Variants in PSD2 observed in about 807,000 individuals in gnomAD.
PSD2 encodes PH and SEC7 domain-containing protein 2.
In PSD2, 38 loss-of-function variants were observed where a neutral mutation model predicts 69.8. The observed-to-expected ratio is 0.54, with a 90% confidence interval of 0.42 to 0.71. PSD2 has a LOEUF of 0.71. PSD2 is among the 30% of genes least tolerant of loss of function. The pLI is 0.00. For synonymous variants in PSD2, 412 were observed against 423.0 expected (o/e 0.97, Z 0.32); for missense variants, 943 against 1,014.5 (o/e 0.93, Z 0.96).
the PSD2 span, among the ~76,000 whole-genome samples, chr5:139,760,677 C>A: frequency 6.6e-6 from 1 of 152,152 alleles, no homozygotes; most frequent in African/African-American, 2.4e-5. Context: ...GCTCCTGGCA[C>A]CCTATGGAGG....
At chr5:139,776,022 C>A in the PSD2 span, among the ~76,000 whole-genome samples, 1 of 152,218 alleles carries the variant, frequency 6.6e-6, no homozygotes, top group African/African-American at 2.4e-5. Context: ...GCCTCATCCC[C>A]CTCCAAGACG....
intron 2 of PSD2, among the ~76,000 whole-genome samples, chr5:139,810,814 G>A (rs967797872): frequency 6.6e-6 from 1 of 152,134 alleles, no homozygotes. Flanking sequence ...CAGGGGACTG[G>A]GGCTTCTTAG....
At chr5:139,779,245 C>T in the PSD2 span, among the ~76,000 whole-genome samples, 26 of 152,316 alleles carry the variant, frequency 1.7e-4, 1 homozygote, top group South Asian at 5.4e-3. Flanking sequence ...GCAGTATACA[C>T]TGCACCCAAT....
In PSD2 at chr5:139,837,485, C is replaced by A; in HGVS notation, c.1666-140C>A. 1.1e-6 allele frequency: 1 copy of A among 935,528 alleles called. No homozygotes were observed. The highest frequency in any genetic ancestry group is 1.6e-6 in the Non-Finnish European group (1 of 624,632). The allele number at this position is 935,528 out of a possible 1,614,324, so 58.0% of individuals were successfully genotyped here. On this transcript the variant is annotated intron_variant, in intron 11 of 14. Coordinates refer to ENST00000274710, the MANE Select transcript of PSD2 (RefSeq NM_032289.4). This position sits in a 1 kb window ranked among gnomAD's most constrained non-coding sequence, Gnocchi z 5.0. ...ACAAACTGGGGTAAGGGGAGGAGTA[C>A]CTGGATTCTTGTTGGGGTGGGTGAG...
chr5:139,832,136 T>G (rs1760611380), intron 7 of PSD2, among the ~76,000 whole-genome samples: 1 of 152,226 alleles, frequency 6.6e-6, no homozygotes, highest in Non-Finnish European at 1.5e-5. Context: ...TAGTCTGATA[T>G]TGCTCAGATT....
At chr5:139,753,769 G>C in the PSD2 span, among the ~76,000 whole-genome samples, 4 of 152,066 alleles carry the variant, frequency 2.6e-5, no homozygotes, top group African/African-American at 9.7e-5. Flanking sequence ...CTGCTTTTTG[G>C]AGCAGGAAAG....
At chr5:139,820,935 G>T (rs1428853517) in intron 5 of PSD2, among the ~76,000 whole-genome samples, 4 of 146,806 alleles carry the variant, frequency 2.7e-5, no homozygotes, top group South Asian at 2.2e-4. Context: ...GCCAGAGGTT[G>T]TTTTTTTTTT....
Position 139,839,830 on chromosome 5 carries a change from G to A in PSD2, c.1969-197G>A, listed in dbSNP as rs566694760. ...GCATCGAGGAAAGCTGATGCTGATG[G>A]GACCTGGGGGAGGAGGAAGGGAGGT... On this transcript the variant is annotated intron_variant, in intron 13 of 14. Coordinates refer to ENST00000274710, the MANE Select transcript of PSD2 (RefSeq NM_032289.4). This position sits in a 1 kb window ranked among gnomAD's most constrained non-coding sequence, Gnocchi z 5.1. 2.6e-4 allele frequency among the ~76,000 whole-genome samples: 40 copies of A among 152,296 alleles called. 1 individual carries two copies. In the East Asian group the frequency reaches 7.3e-3, roughly 28 times the overall value.
chr5:139,835,694 T>C (rs200718938), intron 8 of PSD2, 29 bp from the exon 9 acceptor site: 31 of 1,612,002 alleles, frequency 1.9e-5, no homozygotes, highest in Non-Finnish European at 2.5e-5. Flanking sequence ...TTCACCTGAA[T>C]TCCCCCCTCT....
chr5:139,771,594 G>A, the PSD2 span, among the ~76,000 whole-genome samples: 1 of 152,246 alleles, frequency 6.6e-6, no homozygotes, highest in South Asian at 2.1e-4. Flanking sequence ...TAACTAGGAT[G>A]GTCTCGATTT....
intron 8 of PSD2, among the ~76,000 whole-genome samples, chr5:139,834,755 C>T (rs1413060195): frequency 2.0e-5 from 3 of 152,016 alleles, no homozygotes; most frequent in Non-Finnish European, 4.4e-5. Flanking sequence ...CATTGAGAAG[C>T]GTTTGTTAAG....
At chr5:139,797,534 C>T (rs1243244506) in intron 1 of PSD2, among the ~76,000 whole-genome samples, 12 of 152,182 alleles carry the variant, frequency 7.9e-5, no homozygotes, top group Non-Finnish European at 1.3e-4. Flanking sequence ...GGTGCACGCT[C>T]CACAAGCAGA....
In PSD2 at chr5:139,813,513, T is replaced by G; in HGVS notation, c.576T>G (p.Pro192=). The stretch of plus-strand genomic sequence containing the variant: ...TCCAGCAGCGGGCCCGTGACAGCCC[T>G]GAGCCAGGGGCTGGGTTGGGCATTG... ...PLIQQRARDS[P]EPGAGLGIGD... is the part of the protein sequence containing the mutation. Residue 192 remains proline (P), a synonymous_variant, in exon 3 of 15, where the codon CCT becomes CCG. Coordinates refer to ENST00000274710, the MANE Select transcript of PSD2 (RefSeq NM_032289.4). 1 of 1,612,144 alleles carries G rather than the reference T, an allele frequency of 6.2e-7. No individual in the cohort carries two copies. Among genetic ancestry groups the G allele is most frequent in the Non-Finnish European group, 8.5e-7 (1 of 1,178,508 alleles).
the PSD2 span, among the ~76,000 whole-genome samples, chr5:139,778,623 T>C: frequency 6.6e-6 from 1 of 152,174 alleles, no homozygotes; most frequent in Admixed American, 6.5e-5. Flanking sequence ...ATCTTTATTT[T>C]CTTAGGATAA....
At position 139,813,601 on chromosome 5, in the gene PSD2, C is replaced by T; in HGVS notation, c.664C>T (p.Leu222=). The change falls in exon 3 of 15, where the codon CTG becomes TTG. Residue 222 remains leucine (L), a synonymous_variant. Coordinates refer to ENST00000274710, the MANE Select transcript of PSD2 (RefSeq NM_032289.4). ...TGGTGATGGGGAGCTGGGCAGCCCC[C>T]TGCGGCGCTCCATCTCCAGCAGCCG... The part of the protein sequence containing the change: ...AGGDGELGSP[L]RRSISSSRSE... The T allele has an allele frequency of 1.2e-6, 2 of 1,613,982 alleles. No individual in the cohort carries two copies. The highest frequency in any genetic ancestry group is 1.1e-5 in the South Asian group (1 of 91,078).
At chr5:139,752,142 T>G in the PSD2 span, among the ~76,000 whole-genome samples, 7 of 152,160 alleles carry the variant, frequency 4.6e-5, no homozygotes, top group Non-Finnish European at 7.4e-5. Flanking sequence ...TGGCAGATCC[T>G]CGACACTGCC....
the PSD2 span, among the ~76,000 whole-genome samples, chr5:139,754,249 G>A: frequency 6.6e-6 from 1 of 152,150 alleles, no homozygotes; most frequent in African/African-American, 2.4e-5. Context: ...GGGCAACATG[G>A]GGAAACCCCA....
At position 139,814,138 on chromosome 5, in the gene PSD2, AC is replaced by A; in HGVS notation, c.822-31del. 6.2e-7 allele frequency: 1 copy of A among 1,605,108 alleles called. No individual in the cohort carries two copies. Among genetic ancestry groups the A allele is most frequent in the Non-Finnish European group, 8.5e-7 (1 of 1,176,398 alleles). On this transcript the variant is annotated intron_variant, in intron 3 of 14. Coordinates refer to ENST00000274710, the MANE Select transcript of PSD2 (RefSeq NM_032289.4). This position sits in a 1 kb window ranked among gnomAD's most constrained non-coding sequence, Gnocchi z 4.4. Reference sequence around the variant, plus strand: ...TGGGGCCTTTGACCCTGGGCCTCTGACGCTACTCTTCCACCCACCTTCCATC... The same window carrying A: ...TGGGGCCTTTGACCCTGGGCCTCTGAGCTACTCTTCCACCCACCTTCCATC...
chr5:139,794,176 G>A (rs1465518342), upstream of PSD2, among the ~76,000 whole-genome samples: 1 of 152,178 alleles, frequency 6.6e-6, no homozygotes, highest in African/African-American at 2.4e-5. Context: ...TGAAGGATGT[G>A]GTCTGAGTGC....
Sources: allele counts gnomAD v4.1 joint callset (sites outside exome capture counted in the v4.1 genomes callset), GRCh38; gene constraint gnomAD v4.1.1; non-coding constraint Gnocchi (gnomAD v3.1); transcripts MANE v1.5; gene names NCBI Gene and HGNC (gene_info 2026-07-23, HGNC 2026-07-21).